Variants in STARD13 observed in about 807,000 individuals in gnomAD.
STARD13 encodes StAR related lipid transfer domain containing 13.
A neutral mutation model predicts 106.4 loss-of-function variants in STARD13; 62 were observed. The ratio of observed to expected loss-of-function variants is 0.58; its 90% CI spans 0.48 to 0.72. STARD13 has a LOEUF of 0.72. Among genes scored for constraint, STARD13 ranks in the 30% least tolerant of loss-of-function variants. The probability of loss-of-function intolerance (pLI) is 0.00; values close to 1 mark genes in which losing one functional copy is unlikely to be tolerated. For missense variants in STARD13, 1,387 were observed against 1,424.0 expected (o/e 0.97, Z 0.42); for synonymous variants, 565 against 553.0 (o/e 1.02, Z -0.31).
the STARD13 span, among the ~76,000 whole-genome samples, chr13:33,440,926 T>C: frequency 6.6e-6 from 1 of 151,500 alleles, no homozygotes; most frequent in Admixed American, 6.6e-5. Context: ...AAGAACAAAC[T>C]GTTGATTGCA....
chr13:33,403,127 C>T, the STARD13 span, among the ~76,000 whole-genome samples: 20 of 152,366 alleles, frequency 1.3e-4, no homozygotes, highest in African/African-American at 4.6e-4. Flanking sequence ...ACTGCAGGAG[C>T]GGAGCCCAGA....
the STARD13 span, among the ~76,000 whole-genome samples, chr13:33,547,613 A>G: frequency 6.6e-6 from 1 of 152,214 alleles, no homozygotes; most frequent in African/African-American, 2.4e-5. Flanking sequence ...AGGAATTGGG[A>G]TGTAAAACCT....
the STARD13 span, among the ~76,000 whole-genome samples, chr13:33,574,812 G>T: frequency 6.6e-6 from 1 of 151,608 alleles, no homozygotes; most frequent in Non-Finnish European, 1.5e-5. Context: ...TCCCCAACTT[G>T]CTTGAATTGT....
intron 1 of STARD13, among the ~76,000 whole-genome samples, chr13:33,325,983 T>TCAAA (rs60874548): frequency 4.2e-4 from 40 of 96,184 alleles, no homozygotes; most frequent in African/African-American, 1.5e-3. Context: ...AGACTCCGTT[T>TCAAA]AAAAAAAAAA....
At chr13:33,462,868 C>G in the STARD13 span, among the ~76,000 whole-genome samples, 1 of 152,180 alleles carries the variant, frequency 6.6e-6, no homozygotes, top group East Asian at 1.9e-4. Flanking sequence ...TGGCAACACC[C>G]TCACGGACAC....
At chr13:33,415,438 G>A in the STARD13 span, among the ~76,000 whole-genome samples, 74 of 152,204 alleles carry the variant, frequency 4.9e-4, no homozygotes, top group African/African-American at 1.8e-3. Flanking sequence ...AGGAGTAAGA[G>A]GGAAATGATT....
chr13:33,289,827 G>T (rs1391112126), upstream of STARD13, among the ~76,000 whole-genome samples: 1 of 152,018 alleles, frequency 6.6e-6, no homozygotes, highest in Non-Finnish European at 1.5e-5. Context: ...TAACCCATAG[G>T]TGAGGACTAG....
chr13:33,567,635 T>C, the STARD13 span, among the ~76,000 whole-genome samples: 1 of 147,460 alleles, frequency 6.8e-6, no homozygotes, highest in Non-Finnish European at 1.5e-5. Context: ...TTTAGAAAGA[T>C]AAAAATGAAG....
the STARD13 span, among the ~76,000 whole-genome samples, chr13:33,417,627 G>A: frequency 3.3e-5 from 5 of 152,144 alleles, no homozygotes; most frequent in Admixed American, 2.0e-4. Context: ...CAACATGAAT[G>A]AGCCTTGAAA....
At chr13:33,185,704 G>A (rs1046505134) in intron 1 of STARD13, among the ~76,000 whole-genome samples, 1 of 152,128 alleles carries the variant, frequency 6.6e-6, no homozygotes, top group African/African-American at 2.4e-5. Flanking sequence ...TCTGCTTTAT[G>A]TGACTAGTCA....
chr13:33,318,572 G>A lies in STARD13; in HGVS notation c.124+31718C>T, dbSNP rs77001580. ...CAATCAAAGAAAAATAGATTAATTGGAATTCATTAAAATTAAAAACTTGAA... is the reference window on the plus strand; with the variant it reads ...CAATCAAAGAAAAATAGATTAATTGAAATTCATTAAAATTAAAAACTTGAA... On this transcript the variant is annotated intron_variant, in intron 1 of 5. Coordinates refer to the STARD13 transcript ENST00000567873. Among the ~76,000 whole-genome samples, 723 of 151,966 alleles carry A rather than the reference G, an allele frequency of 4.8e-3. 20 individuals are homozygous for A. The highest frequency in any genetic ancestry group is 0.032 in the Admixed American group (487 of 15,262).
At chr13:33,443,173 T>TC in the STARD13 span, among the ~76,000 whole-genome samples, 2 of 151,774 alleles carry the variant, frequency 1.3e-5, no homozygotes, top group East Asian at 3.9e-4. Flanking sequence ...GGTCAGGAGA[T>TC]GAGACCATCC....
intron 1 of STARD13, chr13:33,206,092 A>C: frequency 1.3e-6 from 1 of 759,742 alleles, no homozygotes; most frequent in Non-Finnish European, 1.6e-6. Flanking sequence ...AGAGAAAAAA[A>C]CGAAAACTCA....
At chr13:33,490,292 A>G in the STARD13 span, among the ~76,000 whole-genome samples, 1 of 152,204 alleles carries the variant, frequency 6.6e-6, no homozygotes. Flanking sequence ...AGAAGAAGGC[A>G]GTTCCCCGGC....
chr13:33,213,207 T>C (rs1887824807), intron 1 of STARD13, among the ~76,000 whole-genome samples: 1 of 152,210 alleles, frequency 6.6e-6, no homozygotes, highest in African/African-American at 2.4e-5. Flanking sequence ...CGGCAATGCC[T>C]TATCTCTGTG....
At chr13:33,650,183 T>G in the STARD13 span, among the ~76,000 whole-genome samples, 13 of 87,928 alleles carry the variant, frequency 1.5e-4, 1 homozygote, top group South Asian at 8.6e-4. Flanking sequence ...TTTTTTTTTT[T>G]TTTTTTTTTT....
the STARD13 span, among the ~76,000 whole-genome samples, chr13:33,387,533 GTGGT>G: frequency 6.6e-6 from 1 of 152,136 alleles, no homozygotes; most frequent in African/African-American, 2.4e-5. Flanking sequence ...CTGTGTTTAA[GTGGT>G]TGTTATGCTG....
At chr13:33,221,172 A>G (rs1001305114) in intron 1 of STARD13, among the ~76,000 whole-genome samples, 2 of 152,192 alleles carry the variant, frequency 1.3e-5, no homozygotes, top group African/African-American at 2.4e-5. Flanking sequence ...ATATATATTT[A>G]TGCAACCAAT....
chr13:33,609,569 C>CTTTT, the STARD13 span, among the ~76,000 whole-genome samples: 19 of 141,740 alleles, frequency 1.3e-4, no homozygotes, highest in Middle Eastern at 3.8e-3. Context: ...TTCTTTCTTT[C>CTTTT]TTTTTTTTTT....
Sources: gnomAD v4.1 joint callset for allele counts (sites outside exome capture counted in the v4.1 genomes callset) on GRCh38, gnomAD v4.1.1 for gene constraint, MANE v1.5 for transcripts, NCBI Gene and HGNC (gene_info 2026-07-23, HGNC 2026-07-21) for gene names.